The following BABAM2 variants were observed in gnomAD, a reference collection of about 807,000 sequenced individuals.
The protein encoded by BABAM2 is BRISC and BRCA1 A complex member 2.
A neutral mutation model predicts 54.7 loss-of-function variants in BABAM2; 31 were observed. The observed-to-expected ratio is 0.57, with a 90% CI of 0.43 to 0.77. BABAM2 has a LOEUF of 0.77. BABAM2 is among the 30% of genes least tolerant of loss of function. The probability of loss-of-function intolerance (pLI) is 0.00; values close to 1 mark genes in which losing one functional copy is unlikely to be tolerated. For missense variants in BABAM2, 364 were observed against 455.8 expected (o/e 0.80, Z 1.83); for synonymous variants, 167 against 162.9 (o/e 1.03, Z -0.19).
chr2:28,182,762 T>C (rs1448973460), intron 7 of BABAM2, among the ~76,000 whole-genome samples: 1 of 152,250 alleles, frequency 6.6e-6, no homozygotes, highest in Non-Finnish European at 1.5e-5. Flanking sequence ...GACTCTGCTG[T>C]GATTAATAAA....
intron 8 of BABAM2, among the ~76,000 whole-genome samples, chr2:28,240,199 C>T (rs1456031156): frequency 1.3e-5 from 2 of 151,892 alleles, no homozygotes; most frequent in East Asian, 3.9e-4. Flanking sequence ...AAGCTCAATG[C>T]AGCCTTGAAC....
intron 3 of BABAM2, among the ~76,000 whole-genome samples, chr2:27,974,188 AC>A (rs1319973970): frequency 2.6e-5 from 4 of 152,210 alleles, no homozygotes; most frequent in Non-Finnish European, 5.9e-5. Flanking sequence ...TTTCTATCTT[AC>A]TTTATGAGGC....
chr2:28,211,640 T>C (rs1679471409), intron 7 of BABAM2, among the ~76,000 whole-genome samples: 1 of 152,062 alleles, frequency 6.6e-6, no homozygotes, highest in Non-Finnish European at 1.5e-5. Context: ...CCACTCATCT[T>C]GGCCTCCCAA....
chr2:28,131,063 T>TTA (rs141387201), intron 7 of BABAM2, among the ~76,000 whole-genome samples: 1 of 5,792 alleles, frequency 1.7e-4, no homozygotes, highest in African/African-American at 2.5e-4. Context: ...TTATTATTAT[T>TTA]ATTATTATTA....
In BABAM2 at chr2:27,903,856, AT is replaced by A. The variant is rs559540519; in HGVS notation, c.128+9181del. Reference sequence around the variant, plus strand: ...TGTTAGGTCTTAGCAACATCAGCATATTTTTTTTTAATTCCTTATTAAGTCA... The same window carrying A: ...TGTTAGGTCTTAGCAACATCAGCATATTTTTTTTAATTCCTTATTAAGTCA... On this transcript the variant is annotated intron_variant, in intron 2 of 11. Transcript: ENST00000379624. Among the ~76,000 whole-genome samples the A allele has an allele frequency of 2.6e-3, 388 of 151,646 alleles. 4 individuals are homozygous for A. Among genetic ancestry groups the A allele is most frequent in the Non-Finnish European group, 4.0e-3 (273 of 67,814 alleles).
At chr2:28,173,177 A>G (rs1389937313) in intron 7 of BABAM2, among the ~76,000 whole-genome samples, 2 of 152,234 alleles carry the variant, frequency 1.3e-5, no homozygotes, top group African/African-American at 4.8e-5. Flanking sequence ...TTTTGGGGTG[A>G]CACAAACATT....
chr2:27,986,314 G>C (rs1025419855), intron 3 of BABAM2, among the ~76,000 whole-genome samples: 2 of 151,970 alleles, frequency 1.3e-5, no homozygotes, highest in Admixed American at 1.3e-4. Flanking sequence ...GTATGATAAT[G>C]ATTGAGTTTC....
chr2:28,015,806 A>T, intron 4 of BABAM2: 1 of 1,000,860 alleles, frequency 1.0e-6, no homozygotes, highest in Non-Finnish European at 1.4e-6. Flanking sequence ...TGTTTTTCTC[A>T]TGCTTCTTTT....
intron 10 of BABAM2, among the ~76,000 whole-genome samples, chr2:28,295,432 C>G (rs184782780): frequency 1.2e-4 from 19 of 152,122 alleles, no homozygotes; most frequent in Non-Finnish European, 2.6e-4. Flanking sequence ...AGGTTACTCT[C>G]AACCTTGTTT....
At chr2:28,208,525 A>G (rs1296430287) in intron 7 of BABAM2, among the ~76,000 whole-genome samples, 1 of 152,180 alleles carries the variant, frequency 6.6e-6, no homozygotes, top group Admixed American at 6.5e-5. Flanking sequence ...CACTGCCTCT[A>G]GGCAAATTCT....
At chr2:28,225,344 C>A (rs1680787282) in intron 7 of BABAM2, among the ~76,000 whole-genome samples, 1 of 152,182 alleles carries the variant, frequency 6.6e-6, no homozygotes, top group African/African-American at 2.4e-5. Context: ...TCAGACTGAA[C>A]ACGGTTAACA....
intron 7 of BABAM2, among the ~76,000 whole-genome samples, chr2:28,214,144 C>T (rs1290692944): frequency 6.6e-6 from 1 of 151,928 alleles, no homozygotes. Flanking sequence ...TTTTCATCAT[C>T]TTTTTAACCT....
In BABAM2 at chr2:28,277,578, C is replaced by T. The variant is rs114549095; in HGVS notation, c.935-20760C>T. Among the ~76,000 whole-genome samples, 1,098 of 152,286 alleles carry T rather than the reference C, an allele frequency of 7.2e-3. 9 individuals carry two copies. The highest frequency in any genetic ancestry group is 0.025 in the African/African-American group (1,036 of 41,556). On this transcript the variant is annotated intron_variant, in intron 10 of 11. Coordinates refer to ENST00000379624, the MANE Select transcript of BABAM2 (RefSeq NM_199191.3). ...TGTATAATGAAAAGCAAGAGTACCC[C>T]GCCCCATGCCTGCCCTTTCACAGCT...
chr2:28,306,994 C>CGTTT (rs1558517386), intron 11 of BABAM2, among the ~76,000 whole-genome samples: 1 of 73,134 alleles, frequency 1.4e-5, no homozygotes. Flanking sequence ...CCACACCTGG[C>CGTTT]CTTTTTTTTT....
chr2:27,956,573 G>T (rs374403964), intron 3 of BABAM2, among the ~76,000 whole-genome samples: 10 of 152,262 alleles, frequency 6.6e-5, no homozygotes, highest in East Asian at 3.9e-4. Context: ...TGATACAAAG[G>T]CACTAAAAGA....
intron 4 of BABAM2, among the ~76,000 whole-genome samples, chr2:28,009,441 A>T (rs1674232323): frequency 6.6e-6 from 1 of 152,154 alleles, no homozygotes; most frequent in African/African-American, 2.4e-5. Flanking sequence ...AATGCTCTTT[A>T]TTAATAAAAA....
chr2:28,104,288 A>G (rs1667320992), intron 6 of BABAM2, among the ~76,000 whole-genome samples: 2 of 152,060 alleles, frequency 1.3e-5, no homozygotes, highest in South Asian at 2.1e-4. Context: ...TTTGCAATCT[A>G]CTCTTTTGAC....
rs1346199537 is a variant in BABAM2 at position 27,904,059 on chromosome 2, T to G, written c.128+9375T>G. Among the ~76,000 whole-genome samples the G allele has an allele frequency of 2.0e-5, 3 of 152,294 alleles. No homozygotes were observed. The East Asian group carries it at 5.8e-4, about 29-fold the overall frequency. On this transcript the variant is annotated intron_variant, in intron 2 of 11. Transcript: ENST00000379624. ...TTGATCTGATCACCAAGACAGCGAC[T>G]AAGTGACTAACGGGTGGGTAGTGTA...
intron 10 of BABAM2, among the ~76,000 whole-genome samples, chr2:28,258,631 TGAGACAGGATG>T (rs1684195912): frequency 6.8e-6 from 1 of 147,834 alleles, no homozygotes; most frequent in Non-Finnish European, 1.5e-5. Context: ...TTTTTTTTTT[TGAGACAGGATG>T]TTGCTCTGTC....
Sources: gnomAD v4.1 joint callset for allele counts (sites outside exome capture counted in the v4.1 genomes callset) on GRCh38, gnomAD v4.1.1 for gene constraint, MANE v1.5 for transcripts, NCBI Gene and HGNC (gene_info 2026-07-23, HGNC 2026-07-21) for gene names.